Variants in KCNIP3 observed in about 807,000 individuals in gnomAD.
The protein encoded by KCNIP3 is calsenilin.
A neutral mutation model predicts 35.0 loss-of-function variants in KCNIP3; 28 were observed. The ratio of observed to expected loss-of-function variants is 0.80; its 90% CI spans 0.59 to 1.10. The LOEUF (loss-of-function observed/expected upper bound fraction) is 1.10. Ranked by LOEUF, KCNIP3 falls within the 50% of genes least tolerant of loss-of-function variation. The pLI is 0.00. For synonymous variants in KCNIP3, 134 were observed against 133.8 expected, an observed-to-expected ratio of 1.00 and a Z score of -0.01; for missense variants, 295 against 338.4, an observed-to-expected ratio of 0.87 and a Z score of 1.01.
At chr2:95,360,434 AATGTTC>A (rs1169464420) in intron 2 of KCNIP3, among the ~76,000 whole-genome samples, 1 of 152,124 alleles carries the variant, frequency 6.6e-6, no homozygotes, top group African/African-American at 2.4e-5. Flanking sequence ...CTGAGCCCTT[AATGTTC>A]TGTTCATGGC....
chr2:95,381,592 A>G lies in KCNIP3; in HGVS notation c.448-4A>G, dbSNP rs752151639. ...TCACGCCCCACACTCTCCTTTCCCC[A>G]TAGGACTTTGTGGTTGGCCTCTCCA... On this transcript the variant is annotated splice_polypyrimidine_tract_variant and splice_region_variant and intron_variant, in intron 5 of 8. Transcript: ENST00000295225. 27 of 1,610,780 alleles carry G rather than the reference A, an allele frequency of 1.7e-5. No homozygotes were observed. The highest frequency in any genetic ancestry group is 9.3e-6 in the Non-Finnish European group (11 of 1,177,116).
chr2:95,330,595 C>T (rs1678905081), intron 2 of KCNIP3, among the ~76,000 whole-genome samples: 1 of 152,262 alleles, frequency 6.6e-6, no homozygotes, highest in African/African-American at 2.4e-5. Context: ...GCCAGACAAA[C>T]ACCACAAGGG....
chr2:95,374,755 C>A, intron 3 of KCNIP3, 93 bp from the exon 4 acceptor site: 1 of 1,440,572 alleles, frequency 6.9e-7, no homozygotes, highest in Non-Finnish European at 9.6e-7. Flanking sequence ...AGGCAGCCCC[C>A]AAGGGGGTGG....
chr2:95,305,782 C>T (rs1426660218), intron 1 of KCNIP3, among the ~76,000 whole-genome samples: 6 of 152,196 alleles, frequency 3.9e-5, no homozygotes, highest in Admixed American at 1.3e-4. Context: ...TTTCATTCAG[C>T]GTAATTCTCT....
At chr2:95,310,720 C>T in intron 2 of KCNIP3, 200 bp downstream of exon 2, 1 of 610,854 alleles carries the variant, frequency 1.6e-6, no homozygotes, top group Non-Finnish European at 2.9e-6. Flanking sequence ...ACTGAGCTCC[C>T]AGTGGGACCC....
intron 2 of KCNIP3, among the ~76,000 whole-genome samples, chr2:95,349,661 G>T (rs1299259316): frequency 6.6e-6 from 1 of 152,216 alleles, no homozygotes; most frequent in East Asian, 1.9e-4. Flanking sequence ...TCAGTGGGCA[G>T]CAGGGCATGG....
chr2:95,375,235 T>A, intron 5 of KCNIP3, 27 bp downstream of exon 5: 1 of 1,604,638 alleles, frequency 6.2e-7, no homozygotes. Flanking sequence ...TCCTCCCACG[T>A]GTCCTGCCCC....
At chr2:95,379,269 T>C (rs929526884) in intron 5 of KCNIP3, among the ~76,000 whole-genome samples, 29 of 152,374 alleles carry the variant, frequency 1.9e-4, no homozygotes, top group African/African-American at 6.7e-4. Flanking sequence ...CTGAGGCTTG[T>C]TGTCCATTGC....
At chr2:95,333,927 G>C (rs1402920017) in intron 2 of KCNIP3, among the ~76,000 whole-genome samples, 1 of 152,132 alleles carries the variant, frequency 6.6e-6, no homozygotes, top group Admixed American at 6.5e-5. Context: ...GCATTCAGCT[G>C]ACACAGGCCA....
At chr2:95,368,697 C>T in intron 2 of KCNIP3, 1 of 262,684 alleles carries the variant, frequency 3.8e-6, no homozygotes, top group South Asian at 7.4e-5. Context: ...AGTGGTGTCT[C>T]TGTGTGAATG....
chr2:95,322,096 G>A (rs568567208), intron 2 of KCNIP3, among the ~76,000 whole-genome samples: 1 of 152,272 alleles, frequency 6.6e-6, no homozygotes, highest in African/African-American at 2.4e-5. Flanking sequence ...AAGGCCTAGT[G>A]GCTCATGCCT....
intron 2 of KCNIP3, among the ~76,000 whole-genome samples, chr2:95,323,879 C>T (rs527612376): frequency 8.9e-4 from 136 of 152,304 alleles, no homozygotes; most frequent in African/African-American, 3.1e-3. Context: ...TCTAGGAAGA[C>T]CTGTCCTCCT....
chr2:95,373,490 G>A (rs1401929436), intron 2 of KCNIP3, among the ~76,000 whole-genome samples: 1 of 136,584 alleles, frequency 7.3e-6, no homozygotes, highest in Non-Finnish European at 1.5e-5. Flanking sequence ...TGGCGCGATC[G>A]CGGCTCACTG....
At chr2:95,333,488 G>T (rs1212887286) in intron 2 of KCNIP3, among the ~76,000 whole-genome samples, 2 of 152,180 alleles carry the variant, frequency 1.3e-5, no homozygotes, top group Non-Finnish European at 2.9e-5. Context: ...ACCAGGGCCC[G>T]CCCTCGGTCA....
chr2:95,320,861 G>A (rs1424504643), intron 2 of KCNIP3, among the ~76,000 whole-genome samples: 1 of 150,870 alleles, frequency 6.6e-6, no homozygotes, highest in Non-Finnish European at 1.5e-5. Flanking sequence ...ACTCCACCCA[G>A]CCTTCCCTAG....
intron 2 of KCNIP3, among the ~76,000 whole-genome samples, chr2:95,321,314 C>T (rs1678592609): frequency 6.6e-6 from 1 of 152,186 alleles, no homozygotes; most frequent in African/African-American, 2.4e-5. Context: ...GGAAAAGTTA[C>T]ATTTAATACC....
rs780077274 is a variant in KCNIP3, at chr2:95,374,859, G to A, written c.318G>A (p.Thr106=). 1.9e-5 allele frequency: 30 copies of A among 1,613,682 alleles called. No homozygotes were observed. The South Asian group carries it at 2.0e-4, about 11-fold the overall frequency. Residue 106 remains threonine, a synonymous_variant, in exon 4 of 9, where the codon ACG becomes ACA. Transcript: ENST00000295225. ...CCTTCCTGCTGCAGGAGTGTCCCAC[G>A]GGCCTGGTGGACGAAGACACCTTCA... is the stretch of plus-strand genomic sequence containing the variant. ...LYRGFKNECP[T]GLVDEDTFKL...
chr2:95,297,520 G>C, intron 1 of KCNIP3, 67 bp downstream of exon 1: 1 of 1,219,096 alleles, frequency 8.2e-7, no homozygotes, highest in Non-Finnish European at 1.2e-6. Flanking sequence ...GGCTTCTGGG[G>C]GTTGCTCTGG....
At chr2:95,334,259 G>C (rs1232242396) in intron 2 of KCNIP3, among the ~76,000 whole-genome samples, 2 of 152,224 alleles carry the variant, frequency 1.3e-5, no homozygotes, top group Non-Finnish European at 2.9e-5. Flanking sequence ...GACTGGCGGG[G>C]GGGTTAGAAT....
Sources: allele counts gnomAD v4.1 joint callset (sites outside exome capture counted in the v4.1 genomes callset), GRCh38; gene constraint gnomAD v4.1.1; transcripts MANE v1.5; gene names NCBI Gene and HGNC (gene_info 2026-07-23, HGNC 2026-07-21).